The following CNTNAP2 variants were observed in gnomAD, a reference collection of about 807,000 sequenced individuals.
The protein encoded by CNTNAP2 is contactin-associated protein-like 2.
In CNTNAP2, 98 loss-of-function variants were observed where a neutral mutation model predicts 155.2. The ratio of observed to expected loss-of-function variants is 0.63; its 90% CI spans 0.54 to 0.75. The LOEUF (loss-of-function observed/expected upper bound fraction) is 0.75. Among genes scored for constraint, CNTNAP2 ranks in the 30% least tolerant of loss-of-function variants. The pLI is 0.00. For synonymous variants in CNTNAP2, 651 were observed against 631.2 expected (o/e 1.03, Z -0.47); for missense variants, 1,727 against 1,688.1 (o/e 1.02, Z -0.40).
chr7:146,709,122 G>A (rs537466026), intron 1 of CNTNAP2, among the ~76,000 whole-genome samples: 4 of 152,176 alleles, frequency 2.6e-5, no homozygotes, highest in African/African-American at 9.6e-5. Context: ...CAAATACAAG[G>A]CAGCATTATG....
intron 14 of CNTNAP2, among the ~76,000 whole-genome samples, chr7:147,906,596 A>G (rs973946847): frequency 6.8e-6 from 1 of 147,582 alleles, no homozygotes; most frequent in Non-Finnish European, 1.5e-5. Context: ...AGTAGCTGGG[A>G]CTACAGGTGC....
intron 11 of CNTNAP2, among the ~76,000 whole-genome samples, chr7:147,550,200 G>T (rs1799825164): frequency 6.6e-6 from 1 of 152,102 alleles, no homozygotes; most frequent in South Asian, 2.1e-4. Context: ...TTTTCAGTGG[G>T]GTTCTCTTTT....
chr7:147,483,414 G>A (rs532123370), intron 10 of CNTNAP2, among the ~76,000 whole-genome samples: 5 of 152,206 alleles, frequency 3.3e-5, no homozygotes, highest in African/African-American at 1.2e-4. Context: ...GGGATGACTT[G>A]TATTCATTAA....
intron 1 of CNTNAP2, among the ~76,000 whole-genome samples, chr7:146,189,025 G>T (rs1228185653): frequency 6.6e-6 from 1 of 152,036 alleles, no homozygotes; most frequent in African/African-American, 2.4e-5. Flanking sequence ...TAGTAATTAT[G>T]AATTTTATTA....
chr7:146,316,665 A>T (rs557838738), intron 1 of CNTNAP2, among the ~76,000 whole-genome samples: 1 of 152,200 alleles, frequency 6.6e-6, no homozygotes. Context: ...ACATACGTCC[A>T]TAAGATACGT....
intron 13 of CNTNAP2, among the ~76,000 whole-genome samples, chr7:147,653,161 A>T (rs1036858645): frequency 3.9e-5 from 6 of 152,232 alleles, no homozygotes; most frequent in African/African-American, 1.4e-4. Context: ...TTGTATATTG[A>T]TTAAATAGAA....
intron 13 of CNTNAP2, among the ~76,000 whole-genome samples, chr7:147,674,910 CTT>C (rs144871233): frequency 1.3e-5 from 2 of 149,100 alleles, no homozygotes; most frequent in African/African-American, 4.9e-5. Context: ...ATGATCAGCT[CTT>C]TTTTTTTTCC....
At chr7:148,157,167 G>A (rs1441485390) in intron 17 of CNTNAP2, among the ~76,000 whole-genome samples, 2 of 152,098 alleles carry the variant, frequency 1.3e-5, no homozygotes, top group African/African-American at 4.8e-5. Flanking sequence ...TTTACATAGG[G>A]CATATACCAA....
At chr7:146,758,535 C>T (rs1802031395) in intron 1 of CNTNAP2, among the ~76,000 whole-genome samples, 1 of 152,094 alleles carries the variant, frequency 6.6e-6, no homozygotes, top group Admixed American at 6.6e-5. Flanking sequence ...ACTCACAGTT[C>T]CACGTGGCTG....
intron 4 of CNTNAP2, among the ~76,000 whole-genome samples, chr7:147,055,751 C>G (rs996404598): frequency 6.6e-6 from 1 of 151,988 alleles, no homozygotes; most frequent in South Asian, 2.1e-4. Flanking sequence ...TTGGCTTGTT[C>G]GAATAATTCT....
intron 13 of CNTNAP2, among the ~76,000 whole-genome samples, chr7:147,658,583 A>T (rs1450132174): frequency 6.6e-6 from 1 of 152,094 alleles, no homozygotes; most frequent in Non-Finnish European, 1.5e-5. Context: ...TCTGTTCTCT[A>T]CCCCGCCAAA....
chr7:146,748,803 G>A (rs1297025253), intron 1 of CNTNAP2, among the ~76,000 whole-genome samples: 1 of 152,124 alleles, frequency 6.6e-6, no homozygotes, highest in Non-Finnish European at 1.5e-5. Context: ...TATTCAAATT[G>A]GGTAGCAGAC....
chr7:148,288,593 TATTAA>T (rs1271047570), intron 21 of CNTNAP2, among the ~76,000 whole-genome samples: 25 of 152,202 alleles, frequency 1.6e-4, no homozygotes, highest in Non-Finnish European at 3.2e-4. Context: ...AATGTAAAAC[TATTAA>T]ATTAAATAAT....
chr7:147,566,229 A>C (rs907473889), intron 12 of CNTNAP2, among the ~76,000 whole-genome samples: 2 of 149,438 alleles, frequency 1.3e-5, no homozygotes, highest in Admixed American at 1.3e-4. Context: ...CTGGGATGTC[A>C]AGGCTGCAAT....
chr7:146,953,377 A>G (rs1437346493), intron 3 of CNTNAP2, among the ~76,000 whole-genome samples: 1 of 151,942 alleles, frequency 6.6e-6, no homozygotes, highest in East Asian at 1.9e-4. Flanking sequence ...TAGTTTTCTC[A>G]TGTTTAACGA....
chr7:146,748,441 G>A (rs1445374307), intron 1 of CNTNAP2, among the ~76,000 whole-genome samples: 1 of 151,894 alleles, frequency 6.6e-6, no homozygotes, highest in Non-Finnish European at 1.5e-5. Flanking sequence ...CACCGCGCCC[G>A]GCCCCAAATC....
intron 15 of CNTNAP2, among the ~76,000 whole-genome samples, chr7:148,076,447 T>A (rs1446477099): frequency 7.4e-6 from 1 of 135,160 alleles, no homozygotes; most frequent in African/African-American, 2.7e-5. Context: ...TTTTTTTTTT[T>A]TTTTTTGAGA....
chr7:146,295,874 CAAAA>C (rs112015205), intron 1 of CNTNAP2, among the ~76,000 whole-genome samples: 1 of 107,292 alleles, frequency 9.3e-6, no homozygotes. Context: ...GACTCCATCT[CAAAA>C]AAAAAAAAAC....
chr7:147,456,533 A>C (rs1305455947), intron 10 of CNTNAP2, among the ~76,000 whole-genome samples: 2 of 152,020 alleles, frequency 1.3e-5, no homozygotes, highest in Admixed American at 6.6e-5. Flanking sequence ...TTCATTGGAG[A>C]GGTGGGGCAA....
Sources: gnomAD v4.1 joint callset for allele counts (sites outside exome capture counted in the v4.1 genomes callset) on GRCh38, gnomAD v4.1.1 for gene constraint, MANE v1.5 for transcripts, NCBI Gene and HGNC (gene_info 2026-07-23, HGNC 2026-07-21) for gene names.